Variants in OPCML observed in about 807,000 individuals in gnomAD.
OPCML encodes the protein opioid-binding protein/cell adhesion molecule.
OPCML carries 13 observed loss-of-function variants against 37.8 expected under a neutral mutation model. That is an observed-to-expected ratio of 0.34 (90% CI 0.22 to 0.55). The LOEUF is 0.55. Among genes scored for constraint, OPCML ranks in the 20% least tolerant of loss-of-function variants. The pLI is 0.91. For synonymous variants in OPCML, 176 were observed against 168.8 expected (o/e 1.04, Z -0.33); for missense variants, 341 against 435.6 (o/e 0.78, Z 1.93).
chr11:133,210,797 C>T (rs1246384088), intron 1 of OPCML, among the ~76,000 whole-genome samples: 1 of 152,060 alleles, frequency 6.6e-6, no homozygotes, highest in Non-Finnish European at 1.5e-5. Flanking sequence ...GGTATGATCT[C>T]CGGACATTTT....
At chr11:132,919,555 G>A (rs1288448043) in intron 2 of OPCML, among the ~76,000 whole-genome samples, 2 of 152,166 alleles carry the variant, frequency 1.3e-5, no homozygotes, top group Non-Finnish European at 1.5e-5. Flanking sequence ...GTGCCAGGGC[G>A]ATTGGCTGCA....
At chr11:133,210,424 C>T (rs951351629) in intron 1 of OPCML, among the ~76,000 whole-genome samples, 4 of 152,122 alleles carry the variant, frequency 2.6e-5, no homozygotes, top group African/African-American at 9.7e-5. Flanking sequence ...CCCAGGTTGC[C>T]CCACTGCAGA....
chr11:132,942,275 A>G (rs1945603443), intron 2 of OPCML, among the ~76,000 whole-genome samples: 1 of 152,108 alleles, frequency 6.6e-6, no homozygotes, highest in South Asian at 2.1e-4. Flanking sequence ...GTAAAACAAA[A>G]AGCTCTCCTA....
chr11:132,526,726 T>C (rs551396183), intron 4 of OPCML, among the ~76,000 whole-genome samples: 1 of 152,210 alleles, frequency 6.6e-6, no homozygotes, highest in African/African-American at 2.4e-5. Context: ...TTTCGGTATA[T>C]TTATACTTCA....
chr11:132,708,622 G>A (rs1377222080), intron 2 of OPCML, among the ~76,000 whole-genome samples: 1 of 152,198 alleles, frequency 6.6e-6, no homozygotes, highest in African/African-American at 2.4e-5. Flanking sequence ...TGTCATTAGA[G>A]TATAAGTGAT....
intron 1 of OPCML, among the ~76,000 whole-genome samples, chr11:133,274,224 C>G (rs1160187126): frequency 6.6e-6 from 1 of 152,170 alleles, no homozygotes; most frequent in African/African-American, 2.4e-5. Context: ...CCCAGAAAAG[C>G]TGTGTTGAAG....
intron 1 of OPCML, among the ~76,000 whole-genome samples, chr11:133,232,079 G>A (rs952436424): frequency 6.6e-6 from 1 of 152,154 alleles, no homozygotes; most frequent in African/African-American, 2.4e-5. Flanking sequence ...GATTTACTCA[G>A]AACTCTGAAC....
chr11:132,851,846 G>T (rs887694641), intron 2 of OPCML, among the ~76,000 whole-genome samples: 1 of 152,136 alleles, frequency 6.6e-6, no homozygotes, highest in Non-Finnish European at 1.5e-5. Context: ...TTTATGTAAC[G>T]CCTGTTCACA....
intron 1 of OPCML, among the ~76,000 whole-genome samples, chr11:133,419,894 A>G (rs1472970016): frequency 1.3e-5 from 2 of 152,250 alleles, no homozygotes; most frequent in African/African-American, 4.8e-5. Context: ...CATTGACAAC[A>G]AAAGAAGTTC....
intron 1 of OPCML, among the ~76,000 whole-genome samples, chr11:133,455,644 C>T (rs1946658568): frequency 6.6e-6 from 1 of 152,162 alleles, no homozygotes; most frequent in African/African-American, 2.4e-5. Context: ...CAATGCCTTC[C>T]TTTTGCCAGG....
In OPCML at chr11:132,713,485, C is replaced by T. The variant is rs549570772; in HGVS notation, c.147-56166G>A. 4.4e-3 allele frequency among the ~76,000 whole-genome samples: 674 copies of T among 152,286 alleles called. 2 individuals carry two copies. The highest frequency in any genetic ancestry group is 0.017 in the Middle Eastern group (5 of 294). On this transcript the variant is annotated intron_variant, in intron 2 of 7. Coordinates refer to ENST00000524381, the MANE Select transcript of OPCML (RefSeq NM_001012393.5). The stretch of plus-strand genomic sequence containing the variant: ...CACTTTCCTGTGACCTCAAGTACAG[C>T]ATTCATTTCCTATTTTACAATGATA...
chr11:132,441,648 A>T (rs1389597807), intron 4 of OPCML, among the ~76,000 whole-genome samples: 1 of 152,244 alleles, frequency 6.6e-6, no homozygotes, highest in Non-Finnish European at 1.5e-5. Context: ...GTTGGAAGCA[A>T]CAGAAAGCAG....
Position 133,010,184 on chromosome 11 carries a change from G to T in OPCML, c.62-67174C>A, listed in dbSNP as rs78812666. 4.0e-3 allele frequency among the ~76,000 whole-genome samples: 606 copies of T among 152,290 alleles called. 2 individuals carry two copies. Among genetic ancestry groups the T allele is most frequent in the African/African-American group, 0.013 (557 of 41,556 alleles). ...TCCACTTGGGAGTTGGCTTTATGGG[G>T]AGCAGTTTGCTCACATCTCTGTCAC... is the stretch of plus-strand genomic sequence containing the variant. On this transcript the variant is annotated intron_variant, in intron 1 of 7. Transcript: ENST00000524381.
intron 1 of OPCML, among the ~76,000 whole-genome samples, chr11:133,096,892 A>G (rs1299722919): frequency 6.6e-6 from 1 of 152,090 alleles, no homozygotes; most frequent in Non-Finnish European, 1.5e-5. Flanking sequence ...CAAAATATAC[A>G]AGACAAAAAA....
chr11:132,722,270 T>C (rs935089079), intron 2 of OPCML, among the ~76,000 whole-genome samples: 48 of 150,186 alleles, frequency 3.2e-4, no homozygotes, highest in African/African-American at 1.1e-3. Context: ...TTTTTTTTCA[T>C]ACTTCTTTCT....
At chr11:133,204,854 ATATATATATATGTG>A (rs1403609994) in intron 1 of OPCML, among the ~76,000 whole-genome samples, 6 of 53,982 alleles carry the variant, frequency 1.1e-4, no homozygotes, top group African/African-American at 6.0e-4. Flanking sequence ...GATCTATTAT[ATATATATATATGTG>A]TATATATATA....
At chr11:132,811,898 TA>T (rs993193115) in intron 2 of OPCML, among the ~76,000 whole-genome samples, 1 of 152,236 alleles carries the variant, frequency 6.6e-6, no homozygotes, top group African/African-American at 2.4e-5. Context: ...TTCACAGGAC[TA>T]AATGAACATA....
chr11:133,275,453 G>A (rs925866697), intron 1 of OPCML, among the ~76,000 whole-genome samples: 2 of 152,076 alleles, frequency 1.3e-5, no homozygotes, highest in Non-Finnish European at 2.9e-5. Context: ...TGACATGATG[G>A]CTCCCTCTGG....
chr11:132,736,435 C>G (rs998021367), intron 2 of OPCML, among the ~76,000 whole-genome samples: 1 of 152,116 alleles, frequency 6.6e-6, no homozygotes, highest in African/African-American at 2.4e-5. Context: ...GGTTAAGGGA[C>G]AGAGGGTGAA....
Sources: allele counts gnomAD v4.1 joint callset (sites outside exome capture counted in the v4.1 genomes callset), GRCh38; gene constraint gnomAD v4.1.1; transcripts MANE v1.5; gene names NCBI Gene and HGNC (gene_info 2026-07-23, HGNC 2026-07-21).